Variants in GRAP2 observed in about 807,000 individuals in gnomAD.
GRAP2 encodes the protein GRB2-related adapter protein 2.
GRAP2 carries 31 observed loss-of-function variants against 43.5 expected under a neutral mutation model. The observed-to-expected ratio is 0.71, with a 90% CI of 0.54 to 0.96. The LOEUF (loss-of-function observed/expected upper bound fraction) is 0.96, where lower values mean the gene tolerates loss of function less well. Among genes scored for constraint, GRAP2 ranks in the 40% least tolerant of loss-of-function variants. The pLI is 0.00. For synonymous variants in GRAP2, 156 were observed against 164.8 expected, an observed-to-expected ratio of 0.95 and a Z score of 0.41; for missense variants, 371 against 424.4, an observed-to-expected ratio of 0.87 and a Z score of 1.11.
chr22:39,916,636 A>T (rs752870200), intron 1 of GRAP2, among the ~76,000 whole-genome samples: 2 of 152,228 alleles, frequency 1.3e-5, no homozygotes, highest in African/African-American at 2.4e-5. Flanking sequence ...TCATTCTTAG[A>T]TTCCCAGCTT....
rs767126287 is a variant in GRAP2 at position 39,971,051 on chromosome 22, C to G, written c.960C>G (p.Phe320Leu). ...TGRLHNKLGL[F>L]PANYVAPMTR is the part of the protein sequence containing the mutation. ...GCCTGCACAACAAGCTGGGCCTCTT[C>G]CCTGCCAACTACGTGGCACCCATGA... The change falls in exon 8 of 8, where the codon TTC becomes TTG. Residue 320 changes from phenylalanine to leucine, a missense_variant. By Grantham distance (22) the Phe-to-Leu change is conservative (BLOSUM62 0). Coordinates refer to ENST00000344138, the MANE Select transcript of GRAP2 (RefSeq NM_004810.4). 1.2e-6 allele frequency: 2 copies of G among 1,613,804 alleles called. No individual in the cohort carries two copies. The highest frequency in any genetic ancestry group is 1.1e-5 in the South Asian group (1 of 91,024).
In GRAP2 at chr22:39,964,600, C is replaced by G; in HGVS notation, c.291-1390C>G. The G allele has an allele frequency of 6.6e-6, 5 of 753,644 alleles. No homozygotes were observed. In the East Asian group the frequency reaches 1.2e-4, roughly 18 times the overall value. The allele number at this position is 753,644 out of a possible 1,614,324, so 46.7% of individuals were successfully genotyped here. A position where few individuals can be genotyped will look rare whatever the true frequency, so the allele number is the denominator to read the frequency against. ...TCCTTGTGCCTAAGGAGACGGTGAC[C>G]CTTTATTTCATCCGTATTTAAACCT... On this transcript the variant is annotated intron_variant, in intron 4 of 7. Transcript: ENST00000344138.
At chr22:39,967,024 G>A (rs563200422) in intron 5 of GRAP2, among the ~76,000 whole-genome samples, 32 of 151,734 alleles carry the variant, frequency 2.1e-4, no homozygotes, top group Non-Finnish European at 4.4e-4. Context: ...ACCAATTTAT[G>A]AACTATTTTT....
intron 1 of GRAP2, among the ~76,000 whole-genome samples, chr22:39,918,250 T>C (rs2066619808): frequency 6.6e-6 from 1 of 152,206 alleles, no homozygotes; most frequent in Non-Finnish European, 1.5e-5. Context: ...GCTCAGCTAT[T>C]TCAGTACTGG....
intron 1 of GRAP2, among the ~76,000 whole-genome samples, chr22:39,946,248 G>T (rs1469998254): frequency 6.6e-6 from 1 of 152,036 alleles, no homozygotes; most frequent in Non-Finnish European, 1.5e-5. Context: ...AGACTCCAAG[G>T]GTTTAATTAC....
rs1252720987 is a variant in GRAP2 at position 39,966,097 on chromosome 22, G to A, written c.398G>A (p.Arg133Lys). 6.2e-7 allele frequency: 1 copy of A among 1,614,006 alleles called. No individual in the cohort carries two copies. The highest frequency in any genetic ancestry group is 8.5e-7 in the Non-Finnish European group (1 of 1,179,852). ...CTAAATAAGCTGGTAGACTACTACA[G>A]GACAAATTCCATCTCCAGACAGAAG... ...PSLNKLVDYY[R>K]TNSISRQKQI... The change falls in exon 5 of 8, where the codon AGG (arginine) becomes AAG (lysine). Residue 133 changes from arginine to lysine, a missense_variant. Coordinates refer to ENST00000344138, the MANE Select transcript of GRAP2 (RefSeq NM_004810.4).
chr22:39,927,677 C>A (rs559648007), intron 1 of GRAP2, among the ~76,000 whole-genome samples: 58 of 151,032 alleles, frequency 3.8e-4, no homozygotes, highest in African/African-American at 1.4e-3. Flanking sequence ...TTTTTTTTTT[C>A]CTCTCACCCA....
chr22:39,938,359 A>G (rs1490190188), intron 1 of GRAP2, among the ~76,000 whole-genome samples: 3 of 152,266 alleles, frequency 2.0e-5, no homozygotes, highest in Admixed American at 2.0e-4. Flanking sequence ...CCAGTTGTGT[A>G]AAGTGTGTCC....
chr22:39,908,942 A>G (rs2066540628), intron 1 of GRAP2, among the ~76,000 whole-genome samples: 3 of 152,178 alleles, frequency 2.0e-5, no homozygotes, highest in African/African-American at 4.8e-5. Flanking sequence ...TGGCTCCCGT[A>G]TCCTGTGTTC....
At chr22:39,936,763 G>A (rs2066811013) in intron 1 of GRAP2, among the ~76,000 whole-genome samples, 1 of 152,172 alleles carries the variant, frequency 6.6e-6, no homozygotes, top group African/African-American at 2.4e-5. Flanking sequence ...CAGTTTGTAA[G>A]TCTATTAGCT....
intron 1 of GRAP2, among the ~76,000 whole-genome samples, chr22:39,933,040 C>G (rs2066771986): frequency 6.6e-6 from 1 of 152,164 alleles, no homozygotes. Flanking sequence ...ACTTCAAGTC[C>G]CCTGGAAGAA....
At chr22:39,922,425 A>G (rs1256167060) in intron 1 of GRAP2, among the ~76,000 whole-genome samples, 1 of 152,218 alleles carries the variant, frequency 6.6e-6, no homozygotes, top group Admixed American at 6.5e-5. Context: ...AAATTTAGGT[A>G]ACCTTACATG....
rs2067259357 is a variant in GRAP2 at position 39,972,783 on chromosome 22, G to T, written c.*1699G>T. 1 of 152,660 alleles carries T rather than the reference G, an allele frequency of 6.6e-6. No homozygotes were observed. The highest frequency in any genetic ancestry group is 2.1e-4 in the South Asian group (1 of 4,832). 9.5% of individuals were successfully genotyped at this position (152,660 alleles called of 1,614,324 possible). ...TTGGGAGGGAAAAGAAAATAGCCTG[G>T]TGGAGGCAGGAGGGAGTCGAGTGTG... On this transcript the variant is annotated 3_prime_UTR_variant, in exon 8 of 8. Coordinates refer to ENST00000344138, the MANE Select transcript of GRAP2 (RefSeq NM_004810.4).
chr22:39,966,460 G>A (rs1046669070), intron 5 of GRAP2, among the ~76,000 whole-genome samples: 4 of 152,134 alleles, frequency 2.6e-5, no homozygotes, highest in Non-Finnish European at 5.9e-5. Flanking sequence ...TCATCACACT[G>A]CGCTCAGCAA....
intron 1 of GRAP2, among the ~76,000 whole-genome samples, chr22:39,937,116 A>G (rs2066814279): frequency 6.6e-6 from 1 of 152,206 alleles, no homozygotes. Flanking sequence ...TAAAATGCAA[A>G]GGATGATAGT....
intron 7 of GRAP2, among the ~76,000 whole-genome samples, chr22:39,969,772 G>A (rs2067219208): frequency 1.3e-5 from 2 of 152,144 alleles, no homozygotes; most frequent in South Asian, 4.1e-4. Context: ...AAATTAGCCA[G>A]GCATGGTGGC....
In GRAP2 at chr22:39,936,843, T is replaced by G. The variant is rs2066811981; in HGVS notation, c.-14-10250T>G. On this transcript the variant is annotated intron_variant, in intron 1 of 7. Coordinates refer to ENST00000344138, the MANE Select transcript of GRAP2 (RefSeq NM_004810.4). ...TTGGTCTGAGGTCTGCCAGGTCGAT[T>G]GCAGTCTTTACCTCTTTGACCAAGA... Among the ~76,000 whole-genome samples the G allele has an allele frequency of 3.3e-5, 5 of 152,222 alleles. No homozygotes were observed. The South Asian group carries it at 1.0e-3, about 32-fold the overall frequency.
chr22:39,904,676 T>G (rs1468548252), intron 1 of GRAP2, among the ~76,000 whole-genome samples: 1 of 152,188 alleles, frequency 6.6e-6, no homozygotes, highest in African/African-American at 2.4e-5. Context: ...GTCCTTAATA[T>G]CATCTGATAG....
At chr22:39,919,662 G>A (rs189896157) in intron 1 of GRAP2, among the ~76,000 whole-genome samples, 1 of 152,218 alleles carries the variant, frequency 6.6e-6, no homozygotes, top group Non-Finnish European at 1.5e-5. Flanking sequence ...TTGAATTACA[G>A]GTTACTGAGA....
Sources: gnomAD v4.1 joint callset for allele counts (sites outside exome capture counted in the v4.1 genomes callset) on GRCh38, gnomAD v4.1.1 for gene constraint, MANE v1.5 for transcripts, NCBI Gene and HGNC (gene_info 2026-07-23, HGNC 2026-07-21) for gene names.